PLCB1: variants seen among roughly 807,000 people sequenced by gnomAD.
PLCB1 encodes 1-phosphatidylinositol 4,5-bisphosphate phosphodiesterase beta-1.
In PLCB1, 46 loss-of-function variants were observed where a neutral mutation model predicts 161.8. The ratio of observed to expected loss-of-function variants is 0.28; its 90% CI spans 0.22 to 0.36. The LOEUF is 0.36. PLCB1 is among the 10% of genes least tolerant of loss of function. PLCB1 has a pLI of 1.00. For missense variants in PLCB1, 1,016 were observed against 1,472.5 expected, an observed-to-expected ratio of 0.69 and a Z score of 5.07; for synonymous variants, 517 against 503.7, an observed-to-expected ratio of 1.03 and a Z score of -0.35.
chr20:8,177,319 C>T (rs1318746460), intron 2 of PLCB1, among the ~76,000 whole-genome samples: 7 of 152,124 alleles, frequency 4.6e-5, no homozygotes, highest in Non-Finnish European at 5.9e-5. Flanking sequence ...AATCACCAGA[C>T]GCTGAATCTG....
At chr20:8,241,803 G>A (rs1349771775) in intron 2 of PLCB1, among the ~76,000 whole-genome samples, 1 of 152,006 alleles carries the variant, frequency 6.6e-6, no homozygotes, top group African/African-American at 2.4e-5. Context: ...CTGGAGCAAA[G>A]AAGTCCTCTT....
chr20:8,184,124 T>C (rs1037794335), intron 2 of PLCB1, among the ~76,000 whole-genome samples: 1 of 152,172 alleles, frequency 6.6e-6, no homozygotes, highest in African/African-American at 2.4e-5. Context: ...AATTAACTTT[T>C]AGAGACTACA....
chr20:8,312,036 G>A (rs6039135), intron 2 of PLCB1, among the ~76,000 whole-genome samples: 8,587 of 152,056 alleles, frequency 0.056, 670 homozygotes, highest in African/African-American at 0.18. Context: ...TACAGATAAC[G>A]GTGAGTTGCA....
Position 8,251,246 on chromosome 20 carries a change from G to A in PLCB1, c.177+100875G>A, listed in dbSNP as rs539957257. 2.6e-5 allele frequency among the ~76,000 whole-genome samples: 4 copies of A among 152,034 alleles called. No individual in the cohort carries two copies. In the South Asian group the frequency reaches 8.3e-4, roughly 32 times the overall value. On this transcript the variant is annotated intron_variant, in intron 2 of 31. Transcript: ENST00000338037. ...TCCCAAAGGCCCTACCTCTTAATACGATCACAGTGGGAGTTAAGTTTCAAC... is the reference window on the plus strand; with the variant it reads ...TCCCAAAGGCCCTACCTCTTAATACAATCACAGTGGGAGTTAAGTTTCAAC...
intron 9 of PLCB1, among the ~76,000 whole-genome samples, chr20:8,684,190 A>G (rs921638289): frequency 6.6e-6 from 1 of 151,140 alleles, no homozygotes; most frequent in African/African-American, 2.4e-5. Context: ...AGCCCCAAAA[A>G]CACTTTAACA....
chr20:8,559,730 T>C (rs959079998), intron 3 of PLCB1, among the ~76,000 whole-genome samples: 3 of 152,012 alleles, frequency 2.0e-5, no homozygotes, highest in African/African-American at 7.2e-5. Flanking sequence ...CATTATGTAT[T>C]GATAAATGGG....
intron 9 of PLCB1, among the ~76,000 whole-genome samples, chr20:8,659,825 C>G (rs1351149497): frequency 1.3e-5 from 2 of 151,914 alleles, no homozygotes; most frequent in African/African-American, 2.4e-5. Flanking sequence ...AATCCTGTCT[C>G]TATTAAAAAT....
chr20:8,669,781 TA>T (rs1489288821), intron 9 of PLCB1, among the ~76,000 whole-genome samples: 4 of 152,210 alleles, frequency 2.6e-5, no homozygotes, highest in Non-Finnish European at 5.9e-5. Context: ...CACTAAAAGA[TA>T]ACATGTTTTA....
At chr20:8,705,409 G>T (rs1978614541) in intron 11 of PLCB1, among the ~76,000 whole-genome samples, 1 of 152,188 alleles carries the variant, frequency 6.6e-6, no homozygotes, top group African/African-American at 2.4e-5. Context: ...CATCTAGAAT[G>T]TGCCTTAGCA....
chr20:8,132,644 G>A lies in PLCB1; in HGVS notation c.-8G>A, dbSNP rs1445669130. 3.7e-6 allele frequency: 6 copies of A among 1,604,458 alleles called. No individual in the cohort carries two copies. The highest frequency in any genetic ancestry group is 1.7e-4 in the Middle Eastern group (1 of 5,866). ...CGCCCGGGCCGCCCGGAGCCCAGATGAGCCCAGATGGCCGGGGCTCAACCC... is the reference window on the plus strand; with the variant it reads ...CGCCCGGGCCGCCCGGAGCCCAGATAAGCCCAGATGGCCGGGGCTCAACCC... On this transcript the variant is annotated 5_prime_UTR_variant, in exon 1 of 32. It removes an upstream start codon present in the reference 5' UTR. Transcript: ENST00000338037. This position sits in a 1 kb window ranked among gnomAD's most constrained non-coding sequence, Gnocchi z 5.2.
intron 3 of PLCB1, among the ~76,000 whole-genome samples, chr20:8,537,537 C>G (rs1015105638): frequency 6.6e-6 from 1 of 152,064 alleles, no homozygotes; most frequent in Non-Finnish European, 1.5e-5. Context: ...GCCACCTGCC[C>G]AGGGTCACCT....
At chr20:8,549,536 TG>T (rs1985698931) in intron 3 of PLCB1, among the ~76,000 whole-genome samples, 1 of 152,142 alleles carries the variant, frequency 6.6e-6, no homozygotes, top group Non-Finnish European at 1.5e-5. Context: ...AAATGAATCA[TG>T]GGGGCAGTTT....
chr20:8,678,537 T>C (rs1246513932), intron 9 of PLCB1, among the ~76,000 whole-genome samples: 3 of 152,218 alleles, frequency 2.0e-5, no homozygotes, highest in African/African-American at 7.2e-5. Context: ...ATGGCAGCCA[T>C]AGAATAATTC....
chr20:8,751,694 T>C (rs1981489704), intron 23 of PLCB1: 1 of 152,222 alleles, frequency 6.6e-6, no homozygotes, highest in Admixed American at 6.5e-5. Context: ...GCACTTTTTT[T>C]TTCACTACCC....
intron 2 of PLCB1, among the ~76,000 whole-genome samples, chr20:8,195,693 G>A (rs1465827401): frequency 1.3e-5 from 2 of 152,038 alleles, no homozygotes; most frequent in East Asian, 1.9e-4. Flanking sequence ...TTGTTGTGAC[G>A]TTATTTAGTC....
intron 3 of PLCB1, among the ~76,000 whole-genome samples, chr20:8,590,346 G>A (rs529343893): frequency 6.6e-6 from 1 of 152,214 alleles, no homozygotes; most frequent in Non-Finnish European, 1.5e-5. Flanking sequence ...AGAAATATCA[G>A]TTGGGTTAAT....
intron 3 of PLCB1, among the ~76,000 whole-genome samples, chr20:8,486,997 G>A (rs1982758969): frequency 6.6e-6 from 1 of 152,162 alleles, no homozygotes; most frequent in Admixed American, 6.5e-5. Flanking sequence ...AGAAATGAAC[G>A]TGATTGGAAA....
At chr20:8,448,065 C>A (rs568106249) in intron 3 of PLCB1, among the ~76,000 whole-genome samples, 1 of 152,344 alleles carries the variant, frequency 6.6e-6, no homozygotes, top group African/African-American at 2.4e-5. Flanking sequence ...CAGAGGCTCA[C>A]TGGGTGTCAT....
chr20:8,381,121 A>G (rs914285536), intron 3 of PLCB1, among the ~76,000 whole-genome samples: 16 of 152,200 alleles, frequency 1.1e-4, no homozygotes, highest in African/African-American at 3.6e-4. Flanking sequence ...TGCTCTATCA[A>G]TGCCTAGTTT....
Sources: gnomAD v4.1 joint callset for allele counts (sites outside exome capture counted in the v4.1 genomes callset) on GRCh38, gnomAD v4.1.1 for gene constraint, Gnocchi (gnomAD v3.1) non-coding constraint, MANE v1.5 for transcripts, NCBI Gene and HGNC (gene_info 2026-07-23, HGNC 2026-07-21) for gene names.